Variants in PARP14 observed in about 807,000 individuals in gnomAD.
PARP14 encodes the protein poly(ADP-ribose) polymerase family member 14.
Under a neutral mutation model 154.2 loss-of-function variants are expected in PARP14, and 59 were observed. That is an observed-to-expected ratio of 0.38 (90% CI 0.31 to 0.48). PARP14 has a LOEUF of 0.48. Ranked by LOEUF, PARP14 falls within the 20% of genes least tolerant of loss-of-function variation. The pLI, the probability that PARP14 is intolerant of heterozygous loss-of-function variation, is 0.98. For synonymous variants in PARP14, 720 were observed against 780.5 expected, an observed-to-expected ratio of 0.92 and a Z score of 1.29; for missense variants, 1,734 against 2,131.6, an observed-to-expected ratio of 0.81 and a Z score of 3.67.
chr3:122,698,170 T>C (rs917337033), intron 5 of PARP14, among the ~76,000 whole-genome samples: 1 of 152,174 alleles, frequency 6.6e-6, no homozygotes, highest in African/African-American at 2.4e-5. Context: ...CACAGGGAAG[T>C]TGAAGCTATA....
chr3:122,718,980 G>C, intron 14 of PARP14, 22 bp downstream of exon 14: 1 of 1,527,872 alleles, frequency 6.5e-7, no homozygotes, highest in Non-Finnish European at 8.8e-7. Context: ...ATTCATACTT[G>C]TCATCCACTA....
chr3:122,726,578 T>C (rs1223258346), intron 15 of PARP14, among the ~76,000 whole-genome samples: 1 of 152,218 alleles, frequency 6.6e-6, no homozygotes, highest in Non-Finnish European at 1.5e-5. Flanking sequence ...CTGCTGCTAA[T>C]AATAAACCTA....
At position 122,713,910 on chromosome 3, in the gene PARP14, G is replaced by A. The variant is rs1377728773; in HGVS notation, c.3808G>A (p.Val1270Ile). The A allele has an allele frequency of 2.5e-6, 4 of 1,612,798 alleles. No individual in the cohort carries two copies. The highest frequency in any genetic ancestry group is 4.5e-5 in the East Asian group (2 of 44,866). ...AATTTTAGAATGTGCTGGACAAAAT[G>A]TAGAAAGGGAATGTTCTCAGCAAGG... The part of the protein sequence containing the change: ...KAILECAGQN[V>I]ERECSQQAQQ... Residue 1270 changes from valine to isoleucine, a missense_variant, in exon 11 of 17, where the codon GTA becomes ATA. By Grantham distance (29) the Val-to-Ile change is conservative. This residue lies in a region of PARP14 where 1,646 missense variants were observed against 1,976.0 expected (regional missense o/e 0.83). Transcript: ENST00000474629.
At chr3:122,716,806 C>T (rs1035147423) in intron 12 of PARP14, among the ~76,000 whole-genome samples, 3 of 152,152 alleles carry the variant, frequency 2.0e-5, no homozygotes, top group Non-Finnish European at 4.4e-5. Context: ...GTTCTGCATA[C>T]GTGCCAGGCT....
rs750956607 is a variant in PARP14, at chr3:122,728,570, A to G, written c.5379A>G (p.Pro1793=). The G allele has an allele frequency of 3.7e-6, 6 of 1,613,178 alleles. No homozygotes were observed. Among genetic ancestry groups the G allele is most frequent in the Middle Eastern group, 1.6e-4 (1 of 6,078 alleles). ...FVAFYDYQAY[P]EYLITFRK ...CATTTTATGACTACCAAGCATACCC[A>G]GAGTACCTTATTACGTTTAGAAAAT... Residue 1793 remains proline (P), a synonymous_variant, in exon 17 of 17, where the codon CCA becomes CCG. Transcript: ENST00000474629.
In PARP14 at chr3:122,717,005, G is replaced by T. The variant is rs1176251443; in HGVS notation, c.4001-1066G>T. ...AAAGTGAATGAATGTAACTGAATGT[G>T]TCCATATAAACTCTTCAAAATACCA... On this transcript the variant is annotated intron_variant, in intron 12 of 16. Coordinates refer to ENST00000474629, the MANE Select transcript of PARP14 (RefSeq NM_017554.3). Among the ~76,000 whole-genome samples, 3 of 152,224 alleles carry T rather than the reference G, an allele frequency of 2.0e-5. No homozygotes were observed. In the East Asian group the frequency reaches 5.8e-4, roughly 29 times the overall value.
At position 122,700,004 on chromosome 3, in the gene PARP14, A is replaced by G; in HGVS notation, c.1450A>G (p.Ser484Gly). The G allele has an allele frequency of 6.2e-7, 1 of 1,613,974 alleles. No homozygotes were observed. The highest frequency in any genetic ancestry group is 8.5e-7 in the Non-Finnish European group (1 of 1,179,834). Residue 484 changes from serine to glycine, a missense_variant, in exon 6 of 17, where the codon AGC (serine) becomes GGC (glycine). Physicochemically the swap from Ser to Gly is moderately conservative, Grantham distance 56 (BLOSUM62 0). Around this residue, in one of 2 missense-constraint regions of PARP14, gnomAD observed 1,646 missense variants for 1,976.0 expected, o/e 0.83. Transcript: ENST00000474629. ...AGGCAGGTATTTTCTTTTGTGTCAC[A>G]GCAGTCTACTGGACCATTTACTCAC... ...SPGRYFLLCH[S>G]SLLDHLLTEC...
At chr3:122,713,851 C>T (rs772689329) in intron 10 of PARP14, 21 bp from the exon 11 acceptor site, 2 of 1,557,068 alleles carry the variant, frequency 1.3e-6, no homozygotes, top group Non-Finnish European at 8.9e-7. Flanking sequence ...TGTTTGTTAT[C>T]ATCTTGATTT....
chr3:122,703,023 ACAAAAAAC>A (rs1560065792), intron 6 of PARP14, among the ~76,000 whole-genome samples: 1 of 99,000 alleles, frequency 1.0e-5, no homozygotes, highest in African/African-American at 3.5e-5. Flanking sequence ...AAAAAAAAAA[ACAAAAAAC>A]AAAAAACAGT....
chr3:122,694,744 TC>T (rs1482915832), intron 4 of PARP14, among the ~76,000 whole-genome samples: 1 of 152,058 alleles, frequency 6.6e-6, no homozygotes, highest in East Asian at 1.9e-4. Flanking sequence ...TTTCTCGAAC[TC>T]CTGATCTCAG....
chr3:122,715,954 G>A, intron 12 of PARP14, among the ~76,000 whole-genome samples: 1 of 152,216 alleles, frequency 6.6e-6, no homozygotes, highest in Non-Finnish European at 1.5e-5. Context: ...AAATCCTGTT[G>A]TTTCTTCCAC....
intron 2 of PARP14, 150 bp downstream of exon 2, chr3:122,685,468 A>C (rs1560045587): frequency 1.4e-6 from 1 of 705,888 alleles, no homozygotes. Context: ...GAGTGAGGGC[A>C]GTGGTAGGGT....
rs922423588 is a variant in PARP14 at position 122,700,992 on chromosome 3, G to A, written c.2438G>A (p.Arg813Gln). Residue 813 changes from arginine to glutamine, a missense_variant, in exon 6 of 17, where the codon CGG (arginine) becomes CAG (glutamine). By Grantham distance (43) the Arg-to-Gln change is conservative. Around this residue, in one of 2 missense-constraint regions of PARP14, gnomAD observed 1,646 missense variants for 1,976.0 expected, o/e 0.83. Transcript: ENST00000474629. ...ATTGTGCAGCAGGGTGACTTGGCAC[G>A]GCTTCCTGTCGATGTGGTGGTGAAT... The part of the protein sequence containing the change: ...VLIVQQGDLA[R>Q]LPVDVVVNAS... The A allele has an allele frequency of 6.8e-6, 11 of 1,613,836 alleles. No individual in the cohort carries two copies. The highest frequency in any genetic ancestry group is 5.0e-5 in the Admixed American group (3 of 60,000).
At chr3:122,713,199 C>T (rs996173712) in intron 9 of PARP14, among the ~76,000 whole-genome samples, 1 of 152,144 alleles carries the variant, frequency 6.6e-6, no homozygotes, top group African/African-American at 2.4e-5. Context: ...GCTAACTTCA[C>T]CTTGGTCAGC....
intron 5 of PARP14, among the ~76,000 whole-genome samples, chr3:122,698,591 A>G (rs759664198): frequency 5.3e-5 from 8 of 152,210 alleles, no homozygotes; most frequent in Admixed American, 2.0e-4. Context: ...CAGCTGAATT[A>G]TCTGCAGTCT....
At chr3:122,709,942 C>T (rs1939271458) in intron 9 of PARP14, among the ~76,000 whole-genome samples, 2 of 147,752 alleles carry the variant, frequency 1.4e-5, no homozygotes, top group Non-Finnish European at 1.5e-5. Context: ...TGCTTGAGTT[C>T]CTTGTAGATT....
intron 5 of PARP14, among the ~76,000 whole-genome samples, chr3:122,696,531 G>A (rs934512945): frequency 2.0e-5 from 3 of 152,154 alleles, no homozygotes; most frequent in African/African-American, 7.2e-5. Context: ...AAGGGACAAA[G>A]AGGAGCTTCT....
chr3:122,680,859 A>C lies in PARP14; in HGVS notation c.-25A>C. 6.4e-7 allele frequency: 1 copy of C among 1,572,540 alleles called. No individual in the cohort carries two copies. Among genetic ancestry groups the C allele is most frequent in the Non-Finnish European group, 8.6e-7 (1 of 1,156,762 alleles). ...GGCCCGGAGTTGGCGCGGCCCCTGC[A>C]GTCCGGCGGAGAGCGGAGCTGAGGA... is the stretch of plus-strand genomic sequence containing the variant. On this transcript the variant is annotated 5_prime_UTR_variant, in exon 1 of 17. Coordinates refer to ENST00000474629, the MANE Select transcript of PARP14 (RefSeq NM_017554.3).
In PARP14 at chr3:122,695,761, T is replaced by G. The variant is rs565529213; in HGVS notation, c.835+99T>G. The G allele has an allele frequency of 7.3e-5, 46 of 632,826 alleles. No individual in the cohort carries two copies. The South Asian group carries it at 8.7e-4, about 12-fold the overall frequency. The allele number at this position is 632,826 out of a possible 1,614,324, so 39.2% of individuals were successfully genotyped here. A position where few individuals can be genotyped will look rare whatever the true frequency, so the allele number is the denominator to read the frequency against. On this transcript the variant is annotated intron_variant, in intron 5 of 16. Transcript: ENST00000474629. ...GTTCTGATGTGTTTTATTTGTTTATTTATGTATTTCTTTGGGAATTGAATA... is the reference window on the plus strand; with the variant it reads ...GTTCTGATGTGTTTTATTTGTTTATGTATGTATTTCTTTGGGAATTGAATA...
Sources: gnomAD v4.1 joint callset for allele counts (sites outside exome capture counted in the v4.1 genomes callset) on GRCh38, gnomAD v4.1.1 for gene constraint, gnomAD v4.1.1 regional missense constraint, MANE v1.5 for transcripts, NCBI Gene and HGNC (gene_info 2026-07-23, HGNC 2026-07-21) for gene names.